TRPM7: variants seen among roughly 807,000 people sequenced by gnomAD.
TRPM7 encodes transient receptor potential cation channel subfamily M member 7, also known as LTRPC ion channel family member 7.
Under a neutral mutation model 229.7 loss-of-function variants are expected in TRPM7, and 134 were observed. That is an observed-to-expected ratio of 0.58 (90% CI 0.51 to 0.67). The LOEUF (loss-of-function observed/expected upper bound fraction) is 0.67. TRPM7 is among the 30% of genes least tolerant of loss of function. TRPM7 has a pLI of 0.00. For missense variants in TRPM7, 1,901 were observed against 2,210.0 expected, an observed-to-expected ratio of 0.86 and a Z score of 2.80; for synonymous variants, 699 against 715.2, an observed-to-expected ratio of 0.98 and a Z score of 0.36.
chr15:50,633,098 A>T, intron 8 of TRPM7, 106 bp from the exon 9 acceptor site: 1 of 952,082 alleles, frequency 1.1e-6, no homozygotes, highest in Non-Finnish European at 1.4e-6. Context: ...TAATGGATTA[A>T]TATTACATAC....
intron 13 of TRPM7, among the ~76,000 whole-genome samples, chr15:50,615,174 A>G (rs2140500405): frequency 6.6e-6 from 1 of 151,054 alleles, no homozygotes; most frequent in African/African-American, 2.4e-5. Context: ...AAAAAAAAAA[A>G]AAAAAAAAAA....
At chr15:50,570,216 A>G (rs1235627989) in intron 36 of TRPM7, 61 bp from the exon 37 acceptor site, 17 of 1,159,822 alleles carry the variant, frequency 1.5e-5, no homozygotes, top group Non-Finnish European at 1.8e-5. Flanking sequence ...ATAAATACTG[A>G]CATCTGCATA....
intron 1 of TRPM7, among the ~76,000 whole-genome samples, chr15:50,677,613 C>A (rs1468413847): frequency 1.3e-4 from 20 of 151,694 alleles, no homozygotes; most frequent in Admixed American, 1.3e-3. Context: ...GTGTCACGCG[C>A]CTGTAATCCC....
At chr15:50,666,693 T>C (rs1004850286) in intron 1 of TRPM7, among the ~76,000 whole-genome samples, 3 of 151,832 alleles carry the variant, frequency 2.0e-5, no homozygotes, top group South Asian at 2.1e-4. Context: ...TCGCAGCTAC[T>C]TGGAAGGCTG....
intron 1 of TRPM7, among the ~76,000 whole-genome samples, chr15:50,669,608 T>C (rs557500917): frequency 1.3e-5 from 2 of 152,216 alleles, no homozygotes; most frequent in Non-Finnish European, 2.9e-5. Flanking sequence ...GGTCATACTA[T>C]AACTTGTCTT....
At chr15:50,669,591 G>C (rs2061947628) in intron 1 of TRPM7, among the ~76,000 whole-genome samples, 1 of 152,096 alleles carries the variant, frequency 6.6e-6, no homozygotes, top group African/African-American at 2.4e-5. Context: ...GTATAACAAA[G>C]CAAATCGGTC....
chr15:50,642,893 G>C (rs2061144935), intron 5 of TRPM7, among the ~76,000 whole-genome samples: 1 of 151,696 alleles, frequency 6.6e-6, no homozygotes, highest in African/African-American at 2.4e-5. Context: ...TAACCAAACA[G>C]GTTCGATTAT....
At chr15:50,652,328 C>CA (rs34122648) in intron 3 of TRPM7, among the ~76,000 whole-genome samples, 486 of 34,216 alleles carry the variant, frequency 0.014, 82 homozygotes, top group African/African-American at 0.034. Flanking sequence ...GACTCCATCT[C>CA]AAAAAAAAAA....
intron 1 of TRPM7, among the ~76,000 whole-genome samples, chr15:50,677,427 A>ACT (rs2062118418): frequency 6.6e-6 from 1 of 151,872 alleles, no homozygotes; most frequent in African/African-American, 2.4e-5. Flanking sequence ...ACACACACAC[A>ACT]CACAGAGCAC....
chr15:50,642,356 C>T (rs200180583), intron 5 of TRPM7, among the ~76,000 whole-genome samples: 2 of 152,292 alleles, frequency 1.3e-5, no homozygotes, highest in Middle Eastern at 3.4e-3. Flanking sequence ...TGTTACAGCA[C>T]AAAAATAGCC....
At position 50,611,325 on chromosome 15, in the gene TRPM7, TA is replaced by T. The variant is rs1378273100; in HGVS notation, c.2052-5del. On this transcript the variant is annotated splice_polypyrimidine_tract_variant and splice_region_variant and intron_variant, in intron 16 of 38. Transcript: ENST00000646667. ...AACGGCCAACTGACCAAAATCACTA[TA>T]AAAAGATAAAAGCCAAAATATACTC... The T allele has an allele frequency of 3.1e-6, 5 of 1,608,496 alleles. No individual in the cohort carries two copies. The highest frequency in any genetic ancestry group is 3.4e-6 in the Non-Finnish European group (4 of 1,177,054).
chr15:50,635,394 T>G (rs1017838642), intron 7 of TRPM7, among the ~76,000 whole-genome samples: 1 of 136,882 alleles, frequency 7.3e-6, no homozygotes, highest in Admixed American at 7.4e-5. Context: ...AAAAAAGAAA[T>G]GGCTCACGCC....
At position 50,637,574 on chromosome 15, in the gene TRPM7, G is replaced by C. The variant is rs760148867; in HGVS notation, c.680C>G (p.Thr227Ser). 6.8e-6 allele frequency: 11 copies of C among 1,613,768 alleles called. No individual in the cohort carries two copies. The African/African-American group carries it at 1.3e-4, about 20-fold the overall frequency. The change falls in exon 7 of 39, where the codon ACC becomes AGC. Residue 227 changes from threonine (T) to serine (S), a missense_variant. By Grantham distance (58) the Thr-to-Ser change is moderately conservative (BLOSUM62 1). Coordinates refer to ENST00000646667, the MANE Select transcript of TRPM7 (RefSeq NM_017672.6). ...VGRDVVAPYQ[T>S]LLNPLSKLNV... ...CAATTTGCTCAGGGGGTTCAATAAGGTTTGATAAGGAGCAACCACCTAAAC... is the reference window on the plus strand; with the variant it reads ...CAATTTGCTCAGGGGGTTCAATAAGCTTTGATAAGGAGCAACCACCTAAAC...
intron 3 of TRPM7, among the ~76,000 whole-genome samples, chr15:50,653,476 G>A (rs1350958936): frequency 6.6e-6 from 1 of 152,076 alleles, no homozygotes; most frequent in Non-Finnish European, 1.5e-5. Context: ...TGGTCTCGGA[G>A]ATTCCTGACA....
intron 28 of TRPM7, 30 bp from the exon 29 acceptor site, chr15:50,583,189 C>A: frequency 2.0e-6 from 3 of 1,536,530 alleles, no homozygotes; most frequent in Non-Finnish European, 2.7e-6. Context: ...TATAAAAAAG[C>A]TACACAACTG....
At chr15:50,571,269 A>G (rs756022562) in intron 36 of TRPM7, among the ~76,000 whole-genome samples, 1 of 152,258 alleles carries the variant, frequency 6.6e-6, no homozygotes, top group Non-Finnish European at 1.5e-5. Context: ...ACTTCCGTAG[A>G]AGGCTGAGTA....
intron 3 of TRPM7, among the ~76,000 whole-genome samples, chr15:50,653,517 T>C (rs2061478876): frequency 6.6e-6 from 1 of 152,134 alleles, no homozygotes; most frequent in Non-Finnish European, 1.5e-5. Flanking sequence ...GAGATAACTG[T>C]TTCAGGCATT....
Position 50,604,920 on chromosome 15 carries a change from A to T in TRPM7, c.2934T>A (p.Asp978Glu). The T allele has an allele frequency of 6.2e-7, 1 of 1,612,094 alleles. No individual in the cohort carries two copies. The highest frequency in any genetic ancestry group is 8.5e-7 in the Non-Finnish European group (1 of 1,179,074). ...CTGCCTGTTGATTTACAGCTAGAAA[A>T]TCTAGCAAACGCACATACCAAAATA... is the stretch of plus-strand genomic sequence containing the variant. Reference protein sequence around the residue: ...NIIFWYVRLLDFLAVNQQAGP... With the variant: ...NIIFWYVRLLEFLAVNQQAGP... Residue 978 changes from aspartate to glutamate, a missense_variant, in exon 21 of 39, where the codon GAT becomes GAA. Asp to Glu is a conservative substitution (Grantham distance 45). Transcript: ENST00000646667.
chr15:50,591,556 G>A (rs1173303083), intron 26 of TRPM7, among the ~76,000 whole-genome samples: 2 of 144,706 alleles, frequency 1.4e-5, no homozygotes, highest in African/African-American at 5.2e-5. Context: ...TGGTGCAGTT[G>A]TGTGATCACA....
Sources: gnomAD v4.1 joint callset for allele counts (sites outside exome capture counted in the v4.1 genomes callset) on GRCh38, gnomAD v4.1.1 for gene constraint, MANE v1.5 for transcripts, NCBI Gene and HGNC (gene_info 2026-07-23, HGNC 2026-07-21) for gene names.